The following PLS1 variants were observed in gnomAD, a reference collection of about 807,000 sequenced individuals.
PLS1 encodes the protein plastin 1.
PLS1 carries 32 observed loss-of-function variants against 73.7 expected under a neutral mutation model. The ratio of observed to expected loss-of-function variants is 0.43; its 90% CI spans 0.33 to 0.58. The LOEUF is 0.58. PLS1 is among the 20% of genes least tolerant of loss of function. The pLI is 0.04. For missense variants in PLS1, 633 were observed against 740.5 expected (o/e 0.85, Z 1.68); for synonymous variants, 217 against 261.3 (o/e 0.83, Z 1.63).
At chr3:142,680,691 T>C (rs2037833989) in intron 6 of PLS1, among the ~76,000 whole-genome samples, 1 of 152,210 alleles carries the variant, frequency 6.6e-6, no homozygotes, top group Admixed American at 6.5e-5. Flanking sequence ...TCTAGAACAA[T>C]GAGTGGATAT....
intron 1 of PLS1, among the ~76,000 whole-genome samples, chr3:142,659,883 C>G (rs924137478): frequency 4.0e-5 from 6 of 151,890 alleles, no homozygotes; most frequent in African/African-American, 1.5e-4. Flanking sequence ...ACTTTAAGCA[C>G]GAATCATTTT....
intron 14 of PLS1, among the ~76,000 whole-genome samples, chr3:142,710,176 T>A (rs2107977291): frequency 6.6e-6 from 1 of 151,870 alleles, no homozygotes; most frequent in South Asian, 2.1e-4. Context: ...TCTTTTTTTT[T>A]TTTTTTTTTC....
chr3:142,680,039 G>T (rs1206696140), intron 6 of PLS1, among the ~76,000 whole-genome samples: 2 of 152,092 alleles, frequency 1.3e-5, no homozygotes, highest in African/African-American at 4.8e-5. Context: ...TGAAGCAATT[G>T]TGAATGGGAG....
intron 1 of PLS1, among the ~76,000 whole-genome samples, chr3:142,637,942 C>G (rs368817109): frequency 6.6e-6 from 1 of 151,830 alleles, no homozygotes; most frequent in African/African-American, 2.4e-5. Flanking sequence ...TTCCTCTACT[C>G]ATCCTCCTGC....
chr3:142,617,857 A>G (rs1002822639), intron 1 of PLS1, among the ~76,000 whole-genome samples: 3 of 152,170 alleles, frequency 2.0e-5, no homozygotes, highest in African/African-American at 7.2e-5. Context: ...ATGTGTCTGT[A>G]ATCCCAGCTA....
intron 1 of PLS1, among the ~76,000 whole-genome samples, chr3:142,604,078 A>G (rs1054680148): frequency 6.6e-6 from 1 of 152,200 alleles, no homozygotes; most frequent in African/African-American, 2.4e-5. Flanking sequence ...TTTATATTAA[A>G]AAAATGACAA....
chr3:142,635,677 A>G (rs552640360), intron 1 of PLS1, among the ~76,000 whole-genome samples: 1 of 152,292 alleles, frequency 6.6e-6, no homozygotes, highest in East Asian at 1.9e-4. Context: ...CAGTTCCCCA[A>G]AATCAATCCT....
At chr3:142,647,030 A>C (rs1251921800) in intron 1 of PLS1, among the ~76,000 whole-genome samples, 1 of 152,200 alleles carries the variant, frequency 6.6e-6, no homozygotes, top group Non-Finnish European at 1.5e-5. Flanking sequence ...TTCGGGTGGA[A>C]AAAGGGAGAG....
At chr3:142,664,871 G>T (rs2037444947) in intron 2 of PLS1, among the ~76,000 whole-genome samples, 1 of 151,006 alleles carries the variant, frequency 6.6e-6, no homozygotes, top group Non-Finnish European at 1.5e-5. Flanking sequence ...TGACAGTTTT[G>T]TATTTTTCTT....
rs1396669452 is a variant in PLS1, at chr3:142,703,984, A to G, written c.1488A>G (p.Val496=). 3.1e-6 allele frequency: 5 copies of G among 1,614,096 alleles called. No homozygotes were observed. The highest frequency in any genetic ancestry group is 4.2e-6 in the Non-Finnish European group (5 of 1,179,962). The change falls in exon 13 of 16, where the codon GTA becomes GTG. Residue 496 remains valine (V), a synonymous_variant. Coordinates refer to ENST00000457734, the MANE Select transcript of PLS1 (RefSeq NM_001145319.2). The stretch of plus-strand genomic sequence containing the variant: ...ATTCAACACTTACCCTGGCATTGGT[A>G]TGGCAGCTGATGAGAAGGTAAAGGC... ...EGNSTLTLAL[V]WQLMRRYTLN...
intron 14 of PLS1, among the ~76,000 whole-genome samples, chr3:142,709,143 G>C (rs1017607173): frequency 6.6e-6 from 1 of 152,170 alleles, no homozygotes; most frequent in Non-Finnish European, 1.5e-5. Context: ...TTTTTAGAAA[G>C]TATAATACAG....
chr3:142,607,286 A>ATG (rs1392145715), intron 1 of PLS1, among the ~76,000 whole-genome samples: 1 of 151,916 alleles, frequency 6.6e-6, no homozygotes, highest in Non-Finnish European at 1.5e-5. Flanking sequence ...TAACATATAT[A>ATG]TATATATTTT....
chr3:142,684,085 A>G lies in PLS1; in HGVS notation c.659A>G (p.Glu220Gly). The change falls in exon 7 of 16, where the codon GAA (glutamate) becomes GGA (glycine). Residue 220 changes from glutamate (E) to glycine (G), a missense_variant. Glu to Gly is a moderately conservative substitution (Grantham distance 98). Coordinates refer to ENST00000457734, the MANE Select transcript of PLS1 (RefSeq NM_001145319.2). ...VVNIGASDLK[E>G]GKPHLVLGLL... Reference sequence around the variant, plus strand: ...AACATTGGTGCATCAGATCTCAAAGAAGGAAAACCTCACTTGGTCTTGGGA... The same window carrying G: ...AACATTGGTGCATCAGATCTCAAAGGAGGAAAACCTCACTTGGTCTTGGGA... The G allele has an allele frequency of 6.2e-7, 1 of 1,613,966 alleles. No homozygotes were observed. Among genetic ancestry groups the G allele is most frequent in the Non-Finnish European group, 8.5e-7 (1 of 1,179,876 alleles).
In PLS1 at chr3:142,656,878, A is replaced by G. The variant is rs1344505624; in HGVS notation, c.-36-7324A>G. The G allele has an allele frequency of 2.0e-5, 3 of 152,248 alleles. No individual in the cohort carries two copies. The East Asian group carries it at 5.8e-4, about 29-fold the overall frequency. 9.4% of individuals were successfully genotyped at this position (152,248 alleles called of 1,614,324 possible). On this transcript the variant is annotated intron_variant, in intron 1 of 15. Coordinates refer to ENST00000457734, the MANE Select transcript of PLS1 (RefSeq NM_001145319.2). ...CTCACCAGAGATACTGAAATATTCT[A>G]GAACCTCTGATCTCAGTCAATTCTC...
At chr3:142,696,409 A>G (rs1373114342) in intron 11 of PLS1, among the ~76,000 whole-genome samples, 1 of 152,204 alleles carries the variant, frequency 6.6e-6, no homozygotes, top group Non-Finnish European at 1.5e-5. Context: ...TAAAAGTAAC[A>G]TAATCTTGGA....
At chr3:142,668,779 T>C (rs1207757462) in intron 2 of PLS1, among the ~76,000 whole-genome samples, 1 of 152,080 alleles carries the variant, frequency 6.6e-6, no homozygotes, top group Non-Finnish European at 1.5e-5. Context: ...TTTTTCCATT[T>C]TTAGTAGAGA....
intron 6 of PLS1, among the ~76,000 whole-genome samples, chr3:142,683,567 C>T (rs2037899780): frequency 6.6e-6 from 1 of 152,210 alleles, no homozygotes; most frequent in Non-Finnish European, 1.5e-5. Flanking sequence ...CCGGCCTTTC[C>T]ACTGTGGAAA....
In PLS1 at chr3:142,649,690, G is replaced by A. The variant is rs185684804; in HGVS notation, c.-36-14512G>A. Reference sequence around the variant, plus strand: ...TTTTTCTGAATGAAGGGAAAGGGAAGAAAAGGTACAAAGCAGTCATAGGTC... The same window carrying A: ...TTTTTCTGAATGAAGGGAAAGGGAAAAAAAGGTACAAAGCAGTCATAGGTC... On this transcript the variant is annotated intron_variant, in intron 1 of 15. Transcript: ENST00000457734. Among the ~76,000 whole-genome samples the A allele has an allele frequency of 1.1e-4, 17 of 151,994 alleles. No homozygotes were observed. In the East Asian group the frequency reaches 3.1e-3, roughly 28 times the overall value.
intron 1 of PLS1, among the ~76,000 whole-genome samples, chr3:142,627,237 A>G (rs1458248584): frequency 6.6e-6 from 1 of 151,948 alleles, no homozygotes; most frequent in Non-Finnish European, 1.5e-5. Context: ...GGTGTTTGGG[A>G]AGGGGATTTT....
Sources: gnomAD v4.1 joint callset for allele counts (sites outside exome capture counted in the v4.1 genomes callset) on GRCh38, gnomAD v4.1.1 for gene constraint, MANE v1.5 for transcripts, NCBI Gene and HGNC (gene_info 2026-07-23, HGNC 2026-07-21) for gene names.